Variants in UTRN observed in about 807,000 individuals in gnomAD.
The protein encoded by UTRN is utrophin.
Under a neutral mutation model 463.9 loss-of-function variants are expected in UTRN, and 283 were observed. The observed-to-expected ratio is 0.61, with a 90% CI of 0.55 to 0.67. UTRN has a LOEUF of 0.67. Among genes scored for constraint, UTRN ranks in the 30% least tolerant of loss-of-function variants. UTRN has a pLI of 0.00. For missense variants in UTRN, 3,922 were observed against 4,084.3 expected (o/e 0.96, Z 1.08); for synonymous variants, 1,442 against 1,431.5 (o/e 1.01, Z -0.17).
At chr6:144,520,426 G>T (rs1380943820) in intron 39 of UTRN, among the ~76,000 whole-genome samples, 1 of 152,086 alleles carries the variant, frequency 6.6e-6, no homozygotes, top group Non-Finnish European at 1.5e-5. Context: ...CACAGAATTT[G>T]TTTCCTTAGA....
chr6:144,369,365 T>C (rs190840076), intron 2 of UTRN, among the ~76,000 whole-genome samples: 79 of 152,366 alleles, frequency 5.2e-4, no homozygotes, highest in African/African-American at 1.9e-3. Context: ...ACGCCTGTAA[T>C]CCCAGCACTT....
intron 53 of UTRN, among the ~76,000 whole-genome samples, chr6:144,725,631 A>C (rs1192363038): frequency 6.6e-6 from 1 of 152,206 alleles, no homozygotes; most frequent in Non-Finnish European, 1.5e-5. Flanking sequence ...AGCTCATTGG[A>C]GTCTAATGAT....
chr6:144,512,404 A>G (rs1795251436), intron 35 of UTRN, among the ~76,000 whole-genome samples: 1 of 152,124 alleles, frequency 6.6e-6, no homozygotes, highest in Non-Finnish European at 1.5e-5. Flanking sequence ...CAAGTCTGGC[A>G]CTCATCAGTT....
intron 39 of UTRN, among the ~76,000 whole-genome samples, chr6:144,517,368 CTT>C (rs140155099): frequency 1.4e-5 from 2 of 142,994 alleles, no homozygotes. Context: ...TTATATTTTT[CTT>C]TTTTTTTTTT....
At chr6:144,349,251 G>A (rs891516202) in intron 2 of UTRN, among the ~76,000 whole-genome samples, 2 of 152,090 alleles carry the variant, frequency 1.3e-5, no homozygotes, top group Non-Finnish European at 2.9e-5. Context: ...CTCGTGATCC[G>A]CCCGCCTCAG....
At chr6:144,745,141 C>T (rs1790570666) in intron 54 of UTRN, among the ~76,000 whole-genome samples, 1 of 152,182 alleles carries the variant, frequency 6.6e-6, no homozygotes, top group Non-Finnish European at 1.5e-5. Flanking sequence ...ACTGGTGAAG[C>T]AGATTCTCTG....
At chr6:144,427,840 A>G (rs1050433004) in intron 7 of UTRN, among the ~76,000 whole-genome samples, 16 of 152,212 alleles carry the variant, frequency 1.1e-4, no homozygotes, top group African/African-American at 3.4e-4. Flanking sequence ...AGAACAAAAC[A>G]GGCAAAAATC....
intron 2 of UTRN, among the ~76,000 whole-genome samples, chr6:144,293,055 A>C (rs1804387725): frequency 6.6e-6 from 1 of 152,160 alleles, no homozygotes; most frequent in Non-Finnish European, 1.5e-5. Flanking sequence ...TCTTGTTTTA[A>C]AATATGCTTT....
chr6:144,711,532 A>G (rs1185953433), intron 53 of UTRN, among the ~76,000 whole-genome samples: 3 of 152,316 alleles, frequency 2.0e-5, no homozygotes, highest in South Asian at 2.1e-4. Context: ...TACAATGTAT[A>G]TAGTGTTTGT....
chr6:144,835,868 C>T lies in UTRN; in HGVS notation c.9754C>T (p.Leu3252=). The T allele has an allele frequency of 1.9e-6, 3 of 1,614,140 alleles. No individual in the cohort carries two copies. Among genetic ancestry groups the T allele is most frequent in the Non-Finnish European group, 2.5e-6 (3 of 1,179,986 alleles). ...CCAGCCGCAGAGCCCAGCTCAGATCCTGAAGTCAGTAGAGAGGGAAGAACG... is the reference window on the plus strand; with the variant it reads ...CCAGCCGCAGAGCCCAGCTCAGATCTTGAAGTCAGTAGAGAGGGAAGAACG... The part of the protein sequence containing the change: ...VSQPQSPAQI[L]KSVEREERGE... Residue 3252 remains leucine (L), a synonymous_variant, in exon 70 of 75, where the codon CTG becomes TTG. Transcript: ENST00000367545.
At chr6:144,675,156 A>T (rs1362373915) in intron 51 of UTRN, among the ~76,000 whole-genome samples, 2 of 152,062 alleles carry the variant, frequency 1.3e-5, no homozygotes, top group African/African-American at 4.8e-5. Context: ...TGATCACTTG[A>T]TGTAGTGGTC....
At chr6:144,608,020 AATGT>A (rs1805057346) in intron 51 of UTRN, among the ~76,000 whole-genome samples, 1 of 152,200 alleles carries the variant, frequency 6.6e-6, no homozygotes, top group South Asian at 2.1e-4. Context: ...TCTCCACACT[AATGT>A]GATTGTTAAT....
chr6:144,717,703 T>G lies in UTRN; in HGVS notation c.7810-12654T>G, dbSNP rs910260574. 1.5e-4 allele frequency among the ~76,000 whole-genome samples: 22 copies of G among 142,338 alleles called. No homozygotes were observed. In the Admixed American group the frequency reaches 1.6e-3, roughly 10 times the overall value. The allele number at this position is 142,338 out of a possible 152,430, so 93.4% of individuals were successfully genotyped here. On this transcript the variant is annotated intron_variant, in intron 53 of 74. Coordinates refer to ENST00000367545, the MANE Select transcript of UTRN (RefSeq NM_007124.3). ...CAGGCTGGACTGCAATGGCTCGATC[T>G]CGGCTCACTGCAACCTCCGCCTCCC...
intron 53 of UTRN, among the ~76,000 whole-genome samples, chr6:144,728,977 ATGC>A (rs1313218470): frequency 6.6e-6 from 1 of 152,188 alleles, no homozygotes; most frequent in Non-Finnish European, 1.5e-5. Flanking sequence ...ACTTTCCAGT[ATGC>A]TTACCATGTT....
At chr6:144,729,689 C>A (rs754519968) in intron 53 of UTRN, among the ~76,000 whole-genome samples, 2 of 152,114 alleles carry the variant, frequency 1.3e-5, no homozygotes, top group Non-Finnish European at 2.9e-5. Flanking sequence ...AAGTTTAGCT[C>A]CACTTCAAGG....
At chr6:144,300,666 A>G (rs1450890903) in intron 2 of UTRN, among the ~76,000 whole-genome samples, 2 of 152,184 alleles carry the variant, frequency 1.3e-5, no homozygotes, top group African/African-American at 2.4e-5. Context: ...CCTGCTCCTC[A>G]GGCAGTTTTA....
chr6:144,450,594 T>C (rs9373414), intron 17 of UTRN, among the ~76,000 whole-genome samples: 37,236 of 152,110 alleles, frequency 0.24, 4,949 homozygotes, highest in East Asian at 0.42. Context: ...TAGAAGCTCC[T>C]TGGGAGCTGA....
At chr6:144,403,011 C>G in intron 2 of UTRN, 112 bp from the exon 3 acceptor site, 1 of 926,734 alleles carries the variant, frequency 1.1e-6, no homozygotes, top group Non-Finnish European at 1.7e-6. Flanking sequence ...TCAAGGAGCT[C>G]GACTAATAGG....
intron 46 of UTRN, among the ~76,000 whole-genome samples, chr6:144,545,404 A>T (rs1798313687): frequency 6.6e-6 from 1 of 152,182 alleles, no homozygotes; most frequent in African/African-American, 2.4e-5. Flanking sequence ...AACACCATGC[A>T]TATCTGCCTG....
Sources: allele counts gnomAD v4.1 joint callset (sites outside exome capture counted in the v4.1 genomes callset), GRCh38; gene constraint gnomAD v4.1.1; transcripts MANE v1.5; gene names NCBI Gene and HGNC (gene_info 2026-07-23, HGNC 2026-07-21).